Variants in IQSEC1 observed in about 807,000 individuals in gnomAD.
The protein encoded by IQSEC1 is IQ motif and Sec7 domain ArfGEF 1, also known as IQ motif and SEC7 domain-containing protein 1.
Under a neutral mutation model 91.0 loss-of-function variants are expected in IQSEC1, and 31 were observed. That is an observed-to-expected ratio of 0.34 (90% CI 0.26 to 0.46). The LOEUF (loss-of-function observed/expected upper bound fraction) is 0.46, where lower values mean the gene tolerates loss of function less well. Ranked by LOEUF, IQSEC1 falls within the 20% of genes least tolerant of loss-of-function variation. The pLI, the probability that IQSEC1 is intolerant of heterozygous loss-of-function variation, is 1.00. For missense variants in IQSEC1, 1,388 were observed against 1,575.6 expected (o/e 0.88, Z 2.02); for synonymous variants, 699 against 662.6 (o/e 1.05, Z -0.84).
chr3:13,200,595 G>A (rs1694226310), intron 1 of IQSEC1, among the ~76,000 whole-genome samples: 1 of 152,260 alleles, frequency 6.6e-6, no homozygotes, highest in Admixed American at 6.5e-5. Context: ...TGGCAGGGAA[G>A]TGCACCTGAC....
intron 1 of IQSEC1, among the ~76,000 whole-genome samples, chr3:12,975,646 T>C (rs915333340): frequency 5.3e-5 from 8 of 152,222 alleles, no homozygotes; most frequent in African/African-American, 1.9e-4. Context: ...AAGGTGCTTA[T>C]TGAATGCAGG....
intron 1 of IQSEC1, among the ~76,000 whole-genome samples, chr3:12,942,140 C>T (rs571128680): frequency 2.8e-4 from 42 of 152,352 alleles, no homozygotes; most frequent in African/African-American, 9.9e-4. Flanking sequence ...CCATCATCCA[C>T]ATGCAAATGC....
chr3:13,187,011 C>T (rs140748402), intron 1 of IQSEC1, among the ~76,000 whole-genome samples: 241 of 152,160 alleles, frequency 1.6e-3, no homozygotes, highest in African/African-American at 3.6e-3. Context: ...CTTCCTTCTT[C>T]GTACTTTCAG....
intron 1 of IQSEC1, among the ~76,000 whole-genome samples, chr3:13,024,371 CTCCATCCATCCATCCATCCATCCA>C (rs55811710): frequency 1.4e-5 from 2 of 142,080 alleles, no homozygotes; most frequent in African/African-American, 2.7e-5. Context: ...CCATCCATCA[CTCCATCCATCCATCCATCCATCCA>C]TCCATCCATC....
chr3:13,252,352 C>T (rs71306049), intron 1 of IQSEC1, among the ~76,000 whole-genome samples: 16,978 of 152,228 alleles, frequency 0.11, 1,746 homozygotes, highest in African/African-American at 0.28. Flanking sequence ...GATTCATCCA[C>T]ACTGTAGCAT....
At chr3:13,174,838 C>G (rs60840592) in intron 1 of IQSEC1, among the ~76,000 whole-genome samples, 9,352 of 83,862 alleles carry the variant, frequency 0.11, 496 homozygotes, top group African/African-American at 0.28. Context: ...TCTGCTCCCC[C>G]CCCCCACCTC....
At chr3:13,032,478 G>A (rs1011172017) in intron 1 of IQSEC1, among the ~76,000 whole-genome samples, 9 of 152,350 alleles carry the variant, frequency 5.9e-5, no homozygotes, top group Middle Eastern at 6.8e-3. Flanking sequence ...TGCACTGCAC[G>A]GAGCCAGGTT....
intron 1 of IQSEC1, among the ~76,000 whole-genome samples, chr3:13,166,729 A>G (rs1047219853): frequency 6.6e-6 from 1 of 152,232 alleles, no homozygotes; most frequent in African/African-American, 2.4e-5. Context: ...GGGAAGGAAC[A>G]TCTGGAGGAG....
chr3:13,040,525 C>T (rs1049882525), intron 1 of IQSEC1, among the ~76,000 whole-genome samples: 7 of 152,170 alleles, frequency 4.6e-5, no homozygotes, highest in Non-Finnish European at 8.8e-5. Context: ...GCCTGAGCCA[C>T]GCCTCTCACA....
chr3:12,987,876 C>CA (rs1358580644), intron 1 of IQSEC1, among the ~76,000 whole-genome samples: 1 of 152,184 alleles, frequency 6.6e-6, no homozygotes, highest in Non-Finnish European at 1.5e-5. Flanking sequence ...CAAACCACAG[C>CA]AAGAAACCAT....
At chr3:13,070,907 C>T (rs1275392546) in intron 1 of IQSEC1, among the ~76,000 whole-genome samples, 1 of 152,206 alleles carries the variant, frequency 6.6e-6, no homozygotes. Context: ...GGTGGCTGGG[C>T]CCCCAACAGA....
At chr3:12,958,099 C>G (rs547442851) in intron 1 of IQSEC1, among the ~76,000 whole-genome samples, 1 of 152,328 alleles carries the variant, frequency 6.6e-6, no homozygotes, top group African/African-American at 2.4e-5. Context: ...GTTCTTACCT[C>G]TGTGGGGCCA....
intron 6 of IQSEC1, 71 bp from the exon 7 acceptor site, chr3:12,915,804 A>C: frequency 6.4e-7 from 1 of 1,568,884 alleles, no homozygotes. Context: ...TCTAAAGCAA[A>C]TCAGAGGAGC....
At chr3:13,244,178 G>A (rs965005057) in intron 1 of IQSEC1, among the ~76,000 whole-genome samples, 4 of 152,106 alleles carry the variant, frequency 2.6e-5, no homozygotes, top group African/African-American at 9.7e-5. Flanking sequence ...TAAAAAAGTT[G>A]ATAACAAAAA....
At chr3:13,205,575 C>T (rs1455065251) in intron 1 of IQSEC1, among the ~76,000 whole-genome samples, 1 of 146,786 alleles carries the variant, frequency 6.8e-6, no homozygotes, top group Non-Finnish European at 1.5e-5. Context: ...CTCTACTGAT[C>T]CATGCTTCAT....
chr3:13,026,175 A>G (rs947046976), intron 1 of IQSEC1, among the ~76,000 whole-genome samples: 1 of 152,182 alleles, frequency 6.6e-6, no homozygotes, highest in African/African-American at 2.4e-5. Flanking sequence ...GCCCCTCGGC[A>G]GCCACAGTCC....
At chr3:12,912,810 C>A (rs1695697102) in intron 9 of IQSEC1, among the ~76,000 whole-genome samples, 1 of 152,296 alleles carries the variant, frequency 6.6e-6, no homozygotes, top group Non-Finnish European at 1.5e-5. Flanking sequence ...TGGCTAGCAT[C>A]CATGCCACCT....
At chr3:13,097,236 G>T (rs749860419) in intron 2 of IQSEC1, among the ~76,000 whole-genome samples, 1 of 152,218 alleles carries the variant, frequency 6.6e-6, no homozygotes, top group African/African-American at 2.4e-5. Context: ...GTTCACAGAA[G>T]AGGAAAGCAA....
At chr3:12,919,027 A>C (rs1018763557) in intron 6 of IQSEC1, among the ~76,000 whole-genome samples, 6 of 152,138 alleles carry the variant, frequency 3.9e-5, no homozygotes, top group African/African-American at 1.4e-4. Context: ...GGTCATGCGG[A>C]GGTCTGTGAA....
Sources: allele counts gnomAD v4.1 joint callset (sites outside exome capture counted in the v4.1 genomes callset), GRCh38; gene constraint gnomAD v4.1.1; transcripts MANE v1.5; gene names NCBI Gene and HGNC (gene_info 2026-07-23, HGNC 2026-07-21).